The following LMNTD1 variants were observed in gnomAD, a reference collection of about 807,000 sequenced individuals.
LMNTD1 encodes lamin tail domain containing 1.
In LMNTD1, 35 loss-of-function variants were observed where a neutral mutation model predicts 50.9. The observed-to-expected ratio is 0.69, with a 90% CI of 0.53 to 0.91. LMNTD1 has a LOEUF of 0.91. Ranked by LOEUF, LMNTD1 falls within the 40% of genes least tolerant of loss-of-function variation. LMNTD1 has a pLI of 0.00. For synonymous variants in LMNTD1, 153 were observed against 161.9 expected, an observed-to-expected ratio of 0.94 and a Z score of 0.42; for missense variants, 470 against 475.5, an observed-to-expected ratio of 0.99 and a Z score of 0.11.
upstream of LMNTD1, among the ~76,000 whole-genome samples, chr12:25,554,127 T>A (rs1316169536): frequency 6.6e-6 from 1 of 152,154 alleles, no homozygotes; most frequent in East Asian, 1.9e-4. Flanking sequence ...GAAGCACAAT[T>A]CCTTATGAAC....
At chr12:25,629,345 T>TCTGG (rs1325218060) in intron 1 of LMNTD1, among the ~76,000 whole-genome samples, 1 of 152,168 alleles carries the variant, frequency 6.6e-6, no homozygotes, top group Admixed American at 6.5e-5. Flanking sequence ...AAACAAGAGG[T>TCTGG]CTGGGGCTTC....
intron 9 of LMNTD1, among the ~76,000 whole-genome samples, chr12:25,479,402 T>C (rs1244321330): frequency 6.6e-6 from 1 of 152,216 alleles, no homozygotes; most frequent in African/African-American, 2.4e-5. Context: ...CAGTACCATA[T>C]ATTAGATGCT....
intron 1 of LMNTD1, among the ~76,000 whole-genome samples, chr12:25,569,458 T>A (rs192848544): frequency 1.8e-4 from 27 of 152,290 alleles, no homozygotes; most frequent in Non-Finnish European, 3.4e-4. Context: ...TTAAACTTGA[T>A]GTTGGAATGA....
intron 1 of LMNTD1, among the ~76,000 whole-genome samples, chr12:25,632,839 A>G (rs545486504): frequency 7.2e-5 from 11 of 152,356 alleles, no homozygotes; most frequent in Admixed American, 2.6e-4. Context: ...CATTGAATGT[A>G]AATGGCCTAA....
chr12:25,635,242 AAAAAAAAAAG>A (rs1418672750), intron 1 of LMNTD1, among the ~76,000 whole-genome samples: 8 of 107,298 alleles, frequency 7.5e-5, no homozygotes, highest in Non-Finnish European at 1.5e-4. Flanking sequence ...CTCTGTCTCA[AAAAAAAAAAG>A]AAAAAAAAAA....
chr12:25,527,677 T>C (rs374563968), intron 4 of LMNTD1, among the ~76,000 whole-genome samples: 1,630 of 18,872 alleles, frequency 0.086, 12 homozygotes, highest in Middle Eastern at 0.14. Context: ...TATATATATA[T>C]ATATACACAC....
At chr12:25,584,701 A>G (rs1945447778) in intron 1 of LMNTD1, among the ~76,000 whole-genome samples, 1 of 152,244 alleles carries the variant, frequency 6.6e-6, no homozygotes, top group African/African-American at 2.4e-5. Context: ...ACAGGGTTAA[A>G]ACTTATTTGG....
At chr12:25,635,690 C>T (rs1408662229) in intron 1 of LMNTD1, among the ~76,000 whole-genome samples, 3 of 152,052 alleles carry the variant, frequency 2.0e-5, no homozygotes, top group Non-Finnish European at 2.9e-5. Flanking sequence ...GAAGACTAAG[C>T]AAAAAGAACA....
chr12:25,543,666 G>A (rs188690126), intron 4 of LMNTD1, among the ~76,000 whole-genome samples: 21 of 149,046 alleles, frequency 1.4e-4, no homozygotes, highest in Admixed American at 1.3e-3. Flanking sequence ...AGTTCTCCTT[G>A]AGATACGTTG....
At chr12:25,578,699 A>G (rs1945142413) in intron 1 of LMNTD1, among the ~76,000 whole-genome samples, 1 of 152,186 alleles carries the variant, frequency 6.6e-6, no homozygotes, top group Admixed American at 6.5e-5. Context: ...GCAGCCTGTT[A>G]CTATAACACA....
At chr12:25,554,251 C>T (rs1424253524), upstream of LMNTD1, among the ~76,000 whole-genome samples, 1 of 152,214 alleles carries the variant, frequency 6.6e-6, no homozygotes, top group Non-Finnish European at 1.5e-5. Flanking sequence ...AGTCTCCCTA[C>T]CTGTACCAGT....
chr12:25,588,127 G>A (rs1945596770), intron 1 of LMNTD1, among the ~76,000 whole-genome samples: 1 of 152,116 alleles, frequency 6.6e-6, no homozygotes, highest in African/African-American at 2.4e-5. Flanking sequence ...AAGTGTGGGT[G>A]TATAAAAGTT....
chr12:25,576,320 GTTC>G (rs1382509675), intron 1 of LMNTD1, among the ~76,000 whole-genome samples: 1 of 152,196 alleles, frequency 6.6e-6, no homozygotes, highest in Non-Finnish European at 1.5e-5. Context: ...GTGTAAAAGT[GTTC>G]TTATTTCTCC....
chr12:25,611,205 G>A (rs754811101), intron 1 of LMNTD1, among the ~76,000 whole-genome samples: 6 of 152,178 alleles, frequency 3.9e-5, no homozygotes, highest in African/African-American at 9.7e-5. Flanking sequence ...TTATTAAAGG[G>A]CAATTTTAAT....
In LMNTD1 at chr12:25,612,324, A is replaced by ACGCG. The variant is rs559627203; in HGVS notation, c.58+36169_58+36170insCGCG. Among the ~76,000 whole-genome samples, 94 of 113,154 alleles carry ACGCG rather than the reference A, an allele frequency of 8.3e-4. No homozygotes were observed. In the East Asian group the frequency reaches 9.0e-3, roughly 11 times the overall value. The allele number at this position is 113,154 out of a possible 152,430, so 74.2% of individuals were successfully genotyped here. On this transcript the variant is annotated intron_variant, in intron 1 of 7. Transcript: ENST00000445693. Reference sequence around the variant, plus strand: ...CACACACACACACACACACACACACACACACGCGCTCCCACTGTCAACAAC... The same window carrying ACGCG: ...CACACACACACACACACACACACACACGCGCACACGCGCTCCCACTGTCAACAAC...
chr12:25,559,553 A>G (rs1394793138), intron 1 of LMNTD1, among the ~76,000 whole-genome samples: 1 of 152,234 alleles, frequency 6.6e-6, no homozygotes, highest in African/African-American at 2.4e-5. Flanking sequence ...TCCTTTGGTT[A>G]TATGTCCAGT....
At chr12:25,626,656 A>G (rs1946596128) in intron 1 of LMNTD1, among the ~76,000 whole-genome samples, 1 of 152,204 alleles carries the variant, frequency 6.6e-6, no homozygotes, top group Non-Finnish European at 1.5e-5. Context: ...TTTAAAAGAT[A>G]GGATACAATG....
At chr12:25,568,613 A>C (rs1463683392) in intron 1 of LMNTD1, among the ~76,000 whole-genome samples, 3 of 152,162 alleles carry the variant, frequency 2.0e-5, no homozygotes, top group Non-Finnish European at 4.4e-5. Flanking sequence ...TAGAGTAAAG[A>C]ATGGTTTAAT....
chr12:25,566,383 C>G (rs1944559919), intron 1 of LMNTD1, among the ~76,000 whole-genome samples: 2 of 152,140 alleles, frequency 1.3e-5, no homozygotes, highest in African/African-American at 4.8e-5. Flanking sequence ...TGGGTTGGCT[C>G]CACGTTTTCG....
Sources: allele counts gnomAD v4.1 joint callset (sites outside exome capture counted in the v4.1 genomes callset), GRCh38; gene constraint gnomAD v4.1.1; transcripts MANE v1.5; gene names NCBI Gene and HGNC (gene_info 2026-07-23, HGNC 2026-07-21).